MYH15: variants seen among roughly 807,000 people sequenced by gnomAD.
The protein encoded by MYH15 is myosin-15.
Under a neutral mutation model 240.5 loss-of-function variants are expected in MYH15, and 227 were observed. The observed-to-expected ratio is 0.94, with a 90% CI of 0.85 to 1.05. The LOEUF is 1.05. Among genes scored for constraint, MYH15 ranks in the 50% least tolerant of loss-of-function variants. The pLI, the probability that MYH15 is intolerant of heterozygous loss-of-function variation, is 0.00. For missense variants in MYH15, 2,217 were observed against 2,247.5 expected (o/e 0.99, Z 0.27); for synonymous variants, 785 against 796.7 (o/e 0.99, Z 0.25).
chr3:108,413,676 T>C (rs981209650), intron 30 of MYH15, among the ~76,000 whole-genome samples: 29 of 152,218 alleles, frequency 1.9e-4, no homozygotes, highest in African/African-American at 6.5e-4. Flanking sequence ...GAAATGGCTA[T>C]AAAATTGATA....
intron 12 of MYH15, among the ~76,000 whole-genome samples, chr3:108,473,755 T>C (rs2083196537): frequency 6.6e-6 from 1 of 152,254 alleles, no homozygotes; most frequent in Admixed American, 6.5e-5. Context: ...CATGGAATCA[T>C]AAAATACTAG....
At chr3:108,382,558 T>G (rs1156535295) in intron 40 of MYH15, among the ~76,000 whole-genome samples, 2 of 152,130 alleles carry the variant, frequency 1.3e-5, no homozygotes, top group Non-Finnish European at 1.5e-5. Context: ...CACAGATGGA[T>G]CGGCTCAAAA....
At chr3:108,502,342 G>A (rs757405727) in intron 2 of MYH15, among the ~76,000 whole-genome samples, 3 of 152,052 alleles carry the variant, frequency 2.0e-5, no homozygotes, top group African/African-American at 7.2e-5. Flanking sequence ...GTCCTCTTCT[G>A]TTAAGTCTTA....
Position 108,493,271 on chromosome 3 carries a change from A to C in MYH15, c.712-94T>G. On this transcript the variant is annotated intron_variant, in intron 7 of 40. Coordinates refer to ENST00000693548, the MANE Select transcript of MYH15 (RefSeq NM_014981.3). ...AATGGCTTCATTATATGTAACTCTCAAAAGGACTACTTCCCCAGAAGTAAA... is the reference window on the plus strand; with the variant it reads ...AATGGCTTCATTATATGTAACTCTCCAAAGGACTACTTCCCCAGAAGTAAA... The C allele has an allele frequency of 3.7e-6, 3 of 809,798 alleles. No individual in the cohort carries two copies. The South Asian group carries it at 4.9e-5, about 13-fold the overall frequency. 50.2% of individuals were successfully genotyped at this position (809,798 alleles called of 1,614,324 possible).
rs2083295105 is a variant in MYH15, at chr3:108,485,158, C to T, written c.1047G>A (p.Met349Ile). The change falls in exon 11 of 41, where the codon ATG (methionine) becomes ATA (isoleucine). Residue 349 changes from methionine (M) to isoleucine (I), a missense_variant. Transcript: ENST00000693548. Reference sequence around the variant, plus strand: ...GTTTAAATTTCATATTTCCAAAGTGCATGATGGCTCCAGTGAGTTTATAGC... The same window carrying T: ...GTTTAAATTTCATATTTCCAAAGTGTATGATGGCTCCAGTGAGTTTATAGC... ...YGCYKLTGAI[M>I]HFGNMKFKQK... The T allele has an allele frequency of 1.2e-6, 2 of 1,614,074 alleles. No individual in the cohort carries two copies. The highest frequency in any genetic ancestry group is 1.7e-6 in the Non-Finnish European group (2 of 1,179,958).
chr3:108,485,081 T>C lies in MYH15; in HGVS notation c.1114+10A>G. 6.2e-7 allele frequency: 1 copy of C among 1,613,758 alleles called. No homozygotes were observed. The stretch of plus-strand genomic sequence containing the variant: ...TGAAGTATATACCATATCTTCAAAG[T>C]AATTCTTACTTTCTGTGCCATCTGC... On this transcript the variant is annotated intron_variant, in intron 11 of 40. Transcript: ENST00000693548.
chr3:108,486,335 T>C (rs1219756383), intron 10 of MYH15, 88 bp downstream of exon 10: 2 of 1,081,470 alleles, frequency 1.8e-6, no homozygotes, highest in Non-Finnish European at 2.7e-6. Flanking sequence ...ACCACTTCTC[T>C]GGGTCCCTAA....
chr3:108,402,114 A>G (rs192398544), intron 33 of MYH15, among the ~76,000 whole-genome samples: 1 of 140,452 alleles, frequency 7.1e-6, no homozygotes, highest in Non-Finnish European at 1.6e-5. Context: ...TATGAGAAAT[A>G]AGAGATTTTT....
chr3:108,412,119 G>A (rs2082598787), intron 30 of MYH15, among the ~76,000 whole-genome samples: 1 of 152,200 alleles, frequency 6.6e-6, no homozygotes, highest in Admixed American at 6.5e-5. Flanking sequence ...TGGACTGCCT[G>A]GGACTGAGGG....
chr3:108,456,925 A>G (rs187648438), intron 18 of MYH15, 42 bp from the exon 19 acceptor site: 2 of 1,433,630 alleles, frequency 1.4e-6, no homozygotes, highest in African/African-American at 2.9e-5. Flanking sequence ...TGCCTGAAAA[A>G]AAATTATTGG....
Position 108,492,585 on chromosome 3 carries a change from T to C in MYH15, c.786A>G (p.Glu262=), listed in dbSNP as rs200665630. 172 of 1,611,870 alleles carry C rather than the reference T, an allele frequency of 1.1e-4. No homozygotes were observed. Among genetic ancestry groups the C allele is most frequent in the Non-Finnish European group, 1.5e-4 (171 of 1,178,434 alleles). ...CCTGCTGGAAAATCACCCTGGACTT[T>C]TCAAGCAAATCTGGATGATGAGAAA... is the stretch of plus-strand genomic sequence containing the variant. ...SSVDIDIYLL[E]KSRVIFQQAG... The change falls in exon 9 of 41, where the codon GAA becomes GAG. Residue 262 remains glutamate (E), a synonymous_variant. Transcript: ENST00000693548.
At chr3:108,443,082 G>A (rs575290241) in intron 22 of MYH15, among the ~76,000 whole-genome samples, 3 of 152,280 alleles carry the variant, frequency 2.0e-5, no homozygotes, top group East Asian at 1.9e-4. Context: ...AAGAATGATA[G>A]AAACTGGGAG....
chr3:108,508,419 C>T (rs2083495397), intron 1 of MYH15, among the ~76,000 whole-genome samples: 1 of 152,194 alleles, frequency 6.6e-6, no homozygotes, highest in African/African-American at 2.4e-5. Flanking sequence ...TTGAGGGAGG[C>T]AGCCAGGATT....
the MYH15 span, among the ~76,000 whole-genome samples, chr3:108,537,802 C>T: frequency 1.3e-5 from 2 of 151,924 alleles, no homozygotes; most frequent in South Asian, 2.1e-4. Flanking sequence ...AAATGGGAGA[C>T]GGGGAAAAAC....
At chr3:108,417,517 T>C (rs1474788041) in intron 28 of MYH15, among the ~76,000 whole-genome samples, 1 of 152,132 alleles carries the variant, frequency 6.6e-6, no homozygotes, top group Admixed American at 6.6e-5. Context: ...AAAACTAAAT[T>C]AGTGTGAATA....
intron 22 of MYH15, among the ~76,000 whole-genome samples, chr3:108,444,268 C>T (rs2082908924): frequency 6.6e-6 from 1 of 152,116 alleles, no homozygotes; most frequent in South Asian, 2.1e-4. Context: ...AAGCACACTG[C>T]AGCATTCCTG....
intron 35 of MYH15, among the ~76,000 whole-genome samples, chr3:108,396,345 T>G (rs986981132): frequency 6.6e-6 from 1 of 151,946 alleles, no homozygotes; most frequent in South Asian, 2.1e-4. Context: ...GTAGCAGGGT[T>G]GGGGGGAGAC....
chr3:108,481,634 G>A (rs1179507344), intron 11 of MYH15, among the ~76,000 whole-genome samples: 1 of 152,124 alleles, frequency 6.6e-6, no homozygotes, highest in Non-Finnish European at 1.5e-5. Context: ...AAATAGTCCT[G>A]CAATAGGAGT....
chr3:108,390,796 C>T (rs551358336), intron 37 of MYH15, among the ~76,000 whole-genome samples: 2 of 151,926 alleles, frequency 1.3e-5, no homozygotes, highest in Non-Finnish European at 2.9e-5. Context: ...TTGACTTAAA[C>T]TTGTTTTTTT....
Sources: allele counts gnomAD v4.1 joint callset (sites outside exome capture counted in the v4.1 genomes callset), GRCh38; gene constraint gnomAD v4.1.1; transcripts MANE v1.5; gene names NCBI Gene and HGNC (gene_info 2026-07-23, HGNC 2026-07-21).